TNFSF4: variants seen among roughly 807,000 people sequenced by gnomAD.
The protein encoded by TNFSF4 is TNF superfamily member 4.
In TNFSF4, 4 loss-of-function variants were observed where a neutral mutation model predicts 7.3. That is an observed-to-expected ratio of 0.55 (90% CI 0.27 to 1.25). The LOEUF (loss-of-function observed/expected upper bound fraction) is 1.25. Among genes scored for constraint, TNFSF4 ranks in the 50% most tolerant of loss-of-function variants. The pLI is 0.12. For missense variants in TNFSF4, 181 were observed against 208.8 expected, an observed-to-expected ratio of 0.87 and a Z score of 0.82; for synonymous variants, 76 against 83.7, an observed-to-expected ratio of 0.91 and a Z score of 0.50.
chr1:173,227,143 G>T, the TNFSF4 span, among the ~76,000 whole-genome samples: 1 of 149,110 alleles, frequency 6.7e-6, no homozygotes. Context: ...TACTTAACAA[G>T]CTTTAAATTT....
the TNFSF4 span, among the ~76,000 whole-genome samples, chr1:173,275,484 A>G: frequency 5.3e-5 from 8 of 152,182 alleles, no homozygotes; most frequent in Non-Finnish European, 4.4e-5. Flanking sequence ...AAAAACACCA[A>G]GGTGAATTGC....
chr1:173,228,144 T>C, the TNFSF4 span, among the ~76,000 whole-genome samples: 1 of 152,224 alleles, frequency 6.6e-6, no homozygotes, highest in Admixed American at 6.5e-5. Flanking sequence ...AGTGGGTCCC[T>C]GACCCATGAG....
the TNFSF4 span, among the ~76,000 whole-genome samples, chr1:173,228,454 T>G: frequency 6.6e-6 from 1 of 151,868 alleles, no homozygotes; most frequent in East Asian, 1.9e-4. Flanking sequence ...AGACCAAAGG[T>G]AGATAAAACC....
At chr1:173,327,698 T>C in the TNFSF4 span, among the ~76,000 whole-genome samples, 1 of 152,064 alleles carries the variant, frequency 6.6e-6, no homozygotes, top group African/African-American at 2.4e-5. Flanking sequence ...GCAAAGGATA[T>C]GAACAGACAC....
At chr1:173,320,761 C>T in the TNFSF4 span, among the ~76,000 whole-genome samples, 2 of 152,006 alleles carry the variant, frequency 1.3e-5, no homozygotes, top group Non-Finnish European at 2.9e-5. Flanking sequence ...CACAGGAATA[C>T]AATTATAAAG....
chr1:173,218,732 G>C, the TNFSF4 span, among the ~76,000 whole-genome samples: 1 of 151,706 alleles, frequency 6.6e-6, no homozygotes, highest in African/African-American at 2.4e-5. Flanking sequence ...TGATCTCTTA[G>C]TTACTGCTTA....
At chr1:173,357,174 G>A in the TNFSF4 span, among the ~76,000 whole-genome samples, 1 of 152,224 alleles carries the variant, frequency 6.6e-6, no homozygotes, top group Non-Finnish European at 1.5e-5. Flanking sequence ...GGTTAGTTGA[G>A]TTGTAGGAGC....
chr1:173,205,561 C>T, intron 1 of TNFSF4: 2 of 1,285,692 alleles, frequency 1.6e-6, no homozygotes, highest in Non-Finnish European at 2.0e-6. Flanking sequence ...TGTGTTTTAT[C>T]ATCCCATGGT....
chr1:173,300,365 C>G, the TNFSF4 span, among the ~76,000 whole-genome samples: 2 of 151,808 alleles, frequency 1.3e-5, no homozygotes, highest in East Asian at 3.9e-4. Flanking sequence ...TCCTGTAATT[C>G]AGAGAAGACA....
the TNFSF4 span, among the ~76,000 whole-genome samples, chr1:173,333,095 A>G: frequency 6.6e-6 from 1 of 152,208 alleles, no homozygotes; most frequent in Non-Finnish European, 1.5e-5. Flanking sequence ...AAGAAATGGA[A>G]AGGCCTTCAG....
chr1:173,397,847 G>A, the TNFSF4 span, among the ~76,000 whole-genome samples: 1 of 152,176 alleles, frequency 6.6e-6, no homozygotes, highest in Non-Finnish European at 1.5e-5. Flanking sequence ...CAAGGATGCA[G>A]GGGTAGTGGT....
chr1:173,235,963 T>C, the TNFSF4 span, among the ~76,000 whole-genome samples: 1 of 152,222 alleles, frequency 6.6e-6, no homozygotes, highest in Non-Finnish European at 1.5e-5. Context: ...TATTTTTTAT[T>C]TTTAATTGTG....
At chr1:173,273,210 C>G in the TNFSF4 span, among the ~76,000 whole-genome samples, 1 of 152,106 alleles carries the variant, frequency 6.6e-6, no homozygotes, top group Non-Finnish European at 1.5e-5. Flanking sequence ...GGGGCATTGT[C>G]TCTATAAATT....
chr1:173,267,796 A>G, the TNFSF4 span, among the ~76,000 whole-genome samples: 1 of 151,670 alleles, frequency 6.6e-6, no homozygotes, highest in Non-Finnish European at 1.5e-5. Flanking sequence ...TCCGGAGAGG[A>G]GGTGGATGGA....
the TNFSF4 span, among the ~76,000 whole-genome samples, chr1:173,239,342 T>A: frequency 2.6e-5 from 4 of 152,098 alleles, no homozygotes; most frequent in Non-Finnish European, 5.9e-5. Context: ...AAAAACTCCC[T>A]CTATATTTGG....
the TNFSF4 span, among the ~76,000 whole-genome samples, chr1:173,383,439 A>C: frequency 6.6e-6 from 1 of 152,230 alleles, no homozygotes; most frequent in Admixed American, 6.5e-5. Flanking sequence ...CATACTTAAC[A>C]AACAAAAAGG....
chr1:173,443,934 T>C, the TNFSF4 span, among the ~76,000 whole-genome samples: 2 of 152,312 alleles, frequency 1.3e-5, no homozygotes, highest in Admixed American at 6.5e-5. Context: ...CCAACTCTTG[T>C]TTTCTTTGTC....
the TNFSF4 span, among the ~76,000 whole-genome samples, chr1:173,311,234 TC>T: frequency 1.3e-5 from 2 of 152,162 alleles, no homozygotes; most frequent in African/African-American, 4.8e-5. Context: ...TGCCTTTCTT[TC>T]CTGTGTATCC....
chr1:173,233,724 C>T, the TNFSF4 span, among the ~76,000 whole-genome samples: 11 of 152,220 alleles, frequency 7.2e-5, no homozygotes, highest in African/African-American at 1.4e-4. Context: ...ATGAAAAATT[C>T]GAAAGACTAT....
Sources: allele counts gnomAD v4.1 joint callset (sites outside exome capture counted in the v4.1 genomes callset), GRCh38; gene constraint gnomAD v4.1.1; transcripts MANE v1.5; gene names NCBI Gene and HGNC (gene_info 2026-07-23, HGNC 2026-07-21).